Variants in ST7 observed in about 807,000 individuals in gnomAD.
The protein encoded by ST7 is suppression of tumorigenicity 7, also known as suppressor of tumorigenicity 7 protein.
ST7 carries 28 observed loss-of-function variants against 78.7 expected under a neutral mutation model. The ratio of observed to expected loss-of-function variants is 0.36; its 90% CI spans 0.26 to 0.49. The LOEUF (loss-of-function observed/expected upper bound fraction) is 0.49, where lower values mean the gene tolerates loss of function less well. Among genes scored for constraint, ST7 ranks in the 20% least tolerant of loss-of-function variants. ST7 has a pLI of 0.99. For missense variants in ST7, 418 were observed against 696.0 expected (o/e 0.60, Z 4.49); for synonymous variants, 247 against 249.6 (o/e 0.99, Z 0.10).
chr7:117,089,960 G>A (rs994623552), intron 1 of ST7, among the ~76,000 whole-genome samples: 1 of 152,168 alleles, frequency 6.6e-6, no homozygotes, highest in Non-Finnish European at 1.5e-5. Context: ...GTCAAAGATT[G>A]AAATATGTTC....
At chr7:117,136,957 T>C (rs1305060650) in intron 8 of ST7, 1 of 152,006 alleles carries the variant, frequency 6.6e-6, no homozygotes, top group Non-Finnish European at 1.5e-5. Flanking sequence ...GACTCATCAG[T>C]TTGTTTGTTG....
chr7:117,084,581 A>C (rs1735219558), intron 1 of ST7, among the ~76,000 whole-genome samples: 1 of 152,142 alleles, frequency 6.6e-6, no homozygotes, highest in African/African-American at 2.4e-5. Context: ...TGGACAAGTG[A>C]CTTAAGTGAT....
chr7:117,201,876 C>T (rs1317890034), intron 12 of ST7, among the ~76,000 whole-genome samples: 1 of 152,168 alleles, frequency 6.6e-6, no homozygotes, highest in Non-Finnish European at 1.5e-5. Context: ...CAGCACTCTC[C>T]TCCTACTCCT....
intron 2 of ST7, among the ~76,000 whole-genome samples, chr7:117,101,508 G>A (rs1801565923): frequency 1.3e-5 from 2 of 152,156 alleles, no homozygotes; most frequent in South Asian, 4.1e-4. Flanking sequence ...TCATCACCTT[G>A]TCCAGTGAAC....
chr7:117,151,263 G>A (rs1467522778), intron 9 of ST7, among the ~76,000 whole-genome samples: 1 of 152,186 alleles, frequency 6.6e-6, no homozygotes, highest in Non-Finnish European at 1.5e-5. Context: ...GGTCTGCGAG[G>A]CCTCACATGA....
chr7:117,111,261 C>G (rs1364864582), intron 2 of ST7, among the ~76,000 whole-genome samples: 1 of 152,170 alleles, frequency 6.6e-6, no homozygotes, highest in Non-Finnish European at 1.5e-5. Context: ...AGTTTGCTTC[C>G]TGGCCCCAGG....
At chr7:117,106,733 G>A (rs1802005886) in intron 2 of ST7, among the ~76,000 whole-genome samples, 1 of 146,226 alleles carries the variant, frequency 6.8e-6, no homozygotes, top group Admixed American at 7.3e-5. Context: ...CCATTCTCCT[G>A]CCTTAGCCTC....
intron 3 of ST7, among the ~76,000 whole-genome samples, chr7:117,126,681 A>G (rs1313245453): frequency 6.6e-6 from 1 of 151,914 alleles, no homozygotes; most frequent in Non-Finnish European, 1.5e-5. Flanking sequence ...CATGAAATAA[A>G]TAAGTATGAT....
intron 1 of ST7, among the ~76,000 whole-genome samples, chr7:117,097,908 A>T (rs866435273): frequency 0.016 from 471 of 29,998 alleles, 40 homozygotes; most frequent in South Asian, 0.073. Flanking sequence ...ATATATATAT[A>T]TTTTTTTTTT....
intron 2 of ST7, among the ~76,000 whole-genome samples, chr7:117,106,097 C>G (rs1801938335): frequency 6.6e-6 from 1 of 151,998 alleles, no homozygotes; most frequent in Non-Finnish European, 1.5e-5. Context: ...TTCCCGGGTT[C>G]ACGCCATTCT....
At chr7:117,215,314 A>C (rs954479824) in intron 13 of ST7, among the ~76,000 whole-genome samples, 2 of 152,158 alleles carry the variant, frequency 1.3e-5, no homozygotes, top group African/African-American at 4.8e-5. Flanking sequence ...AAGGACATGA[A>C]ATTTGCGATT....
chr7:117,028,379 A>G (rs1415504328), intron 1 of ST7, among the ~76,000 whole-genome samples: 2 of 152,150 alleles, frequency 1.3e-5, no homozygotes, highest in African/African-American at 4.8e-5. Context: ...GGCTTTTGGC[A>G]TATTTTGGGC....
intron 1 of ST7, among the ~76,000 whole-genome samples, chr7:116,955,623 A>T (rs544262266): frequency 1.1e-3 from 163 of 152,286 alleles, no homozygotes; most frequent in African/African-American, 3.8e-3. Context: ...TACACACTTA[A>T]AATTTTATTT....
At chr7:116,988,784 T>C (rs1290207061) in intron 1 of ST7, among the ~76,000 whole-genome samples, 1 of 152,236 alleles carries the variant, frequency 6.6e-6, no homozygotes, top group Non-Finnish European at 1.5e-5. Flanking sequence ...GTTACTTGAA[T>C]TGACTATCCA....
chr7:117,194,906 C>T (rs1378216522), intron 12 of ST7, among the ~76,000 whole-genome samples: 1 of 152,188 alleles, frequency 6.6e-6, no homozygotes, highest in Non-Finnish European at 1.5e-5. Context: ...GCTGCAGCCA[C>T]ACTGCAAGCC....
chr7:117,048,353 C>T (rs1055295292), intron 1 of ST7, among the ~76,000 whole-genome samples: 1 of 152,080 alleles, frequency 6.6e-6, no homozygotes, highest in African/African-American at 2.4e-5. Context: ...CAAGTTTCAG[C>T]GTCTGGATCA....
chr7:117,038,268 C>T (rs1036885625), intron 1 of ST7, among the ~76,000 whole-genome samples: 1 of 152,194 alleles, frequency 6.6e-6, no homozygotes, highest in Non-Finnish European at 1.5e-5. Context: ...GTTAATACTA[C>T]TTTTTCTCTG....
chr7:117,173,669 G>C (rs755579301), intron 10 of ST7: 10 of 152,186 alleles, frequency 6.6e-5, no homozygotes, highest in African/African-American at 1.2e-4. Flanking sequence ...ACAGCACTTA[G>C]AATCCCAGCC....
chr7:117,203,728 CCT>C (rs919848754), intron 12 of ST7, among the ~76,000 whole-genome samples: 14 of 151,982 alleles, frequency 9.2e-5, no homozygotes, highest in South Asian at 4.2e-4. Context: ...CTTTTTCTCT[CCT>C]CTCTCTCTCC....
Sources: gnomAD v4.1 joint callset for allele counts (sites outside exome capture counted in the v4.1 genomes callset) on GRCh38, gnomAD v4.1.1 for gene constraint, MANE v1.5 for transcripts, NCBI Gene and HGNC (gene_info 2026-07-23, HGNC 2026-07-21) for gene names.